Variants in NFKB1 observed in about 807,000 individuals in gnomAD.
NFKB1 encodes the protein nuclear factor NF-kappa-B p105 subunit.
In NFKB1, 9 loss-of-function variants were observed where a neutral mutation model predicts 105.1. The observed-to-expected ratio is 0.09, with a 90% CI of 0.05 to 0.15. The LOEUF is 0.15. NFKB1 is among the 10% of genes least tolerant of loss of function. NFKB1 has a pLI of 1.00. For synonymous variants in NFKB1, 440 were observed against 442.2 expected (o/e 1.00, Z 0.06); for missense variants, 830 against 1,203.7 (o/e 0.69, Z 4.59).
At chr4:102,538,158 A>G (rs561307131) in intron 5 of NFKB1, among the ~76,000 whole-genome samples, 1 of 152,368 alleles carries the variant, frequency 6.6e-6, no homozygotes, top group African/African-American at 2.4e-5. Context: ...ATTTCAATTT[A>G]GTAGAAATGT....
chr4:102,532,843 C>T (rs1741386441), intron 3 of NFKB1, among the ~76,000 whole-genome samples: 1 of 152,054 alleles, frequency 6.6e-6, no homozygotes, highest in Non-Finnish European at 1.5e-5. Context: ...AAATGAGAAC[C>T]ACCATATGCC....
rs562149614 is a variant in NFKB1, at chr4:102,546,568, G to A, written c.258+8612G>A. 5.6e-4 allele frequency among the ~76,000 whole-genome samples: 86 copies of A among 152,216 alleles called. 1 individual carries two copies. The highest frequency in any genetic ancestry group is 3.7e-3 in the Admixed American group (56 of 15,292). On this transcript the variant is annotated intron_variant, in intron 5 of 23. Coordinates refer to ENST00000226574, the MANE Select transcript of NFKB1 (RefSeq NM_003998.4). ...AAAGTATGAAAACTACTGGGGCGCCGTAAGACAAAAGAAAACTTTGGGAAA... is the reference window on the plus strand; with the variant it reads ...AAAGTATGAAAACTACTGGGGCGCCATAAGACAAAAGAAAACTTTGGGAAA...
At chr4:102,530,211 T>A (rs1267294343) in intron 3 of NFKB1, among the ~76,000 whole-genome samples, 1 of 152,190 alleles carries the variant, frequency 6.6e-6, no homozygotes, top group African/African-American at 2.4e-5. Flanking sequence ...TTAAGTCCTT[T>A]CTCCCAGATT....
chr4:102,594,574 G>A (rs76598956), intron 12 of NFKB1, among the ~76,000 whole-genome samples: 148 of 152,188 alleles, frequency 9.7e-4, no homozygotes, highest in African/African-American at 3.2e-3. Flanking sequence ...CTTCTACATA[G>A]GCAAGTCTGA....
chr4:102,589,869 CAGAA>C (rs1281807486), intron 11 of NFKB1, among the ~76,000 whole-genome samples: 5 of 151,940 alleles, frequency 3.3e-5, no homozygotes, highest in Admixed American at 3.3e-4. Context: ...GAAAAGGAAA[CAGAA>C]AGGAGAAACA....
intron 14 of NFKB1, among the ~76,000 whole-genome samples, chr4:102,597,018 A>C (rs565708207): frequency 4.6e-5 from 7 of 152,316 alleles, no homozygotes; most frequent in Admixed American, 2.0e-4. Flanking sequence ...CAAAGGTCAC[A>C]AATGCCATTC....
At chr4:102,614,779 T>A (rs1224365214) in intron 23 of NFKB1, among the ~76,000 whole-genome samples, 1 of 152,000 alleles carries the variant, frequency 6.6e-6, no homozygotes, top group Non-Finnish European at 1.5e-5. Context: ...TGGCTGGCTC[T>A]TCTACACTCA....
At chr4:102,523,582 C>T (rs1363493477) in intron 1 of NFKB1, among the ~76,000 whole-genome samples, 1 of 152,136 alleles carries the variant, frequency 6.6e-6, no homozygotes, top group Non-Finnish European at 1.5e-5. Context: ...CCTGACAGTG[C>T]ATTTGGGTTA....
intron 4 of NFKB1, chr4:102,537,594 A>C (rs1364527661): frequency 3.5e-6 from 1 of 288,186 alleles, no homozygotes; most frequent in Non-Finnish European, 6.6e-6. Context: ...ATTACTCTCC[A>C]CACATGCATA....
At chr4:102,572,810 A>G (rs1454283342) in intron 6 of NFKB1, among the ~76,000 whole-genome samples, 2 of 152,210 alleles carry the variant, frequency 1.3e-5, no homozygotes, top group Non-Finnish European at 1.5e-5. Context: ...AGGTGTTTAT[A>G]TTTAACCACG....
At chr4:102,508,296 A>G (rs948042144) in intron 1 of NFKB1, among the ~76,000 whole-genome samples, 1 of 152,180 alleles carries the variant, frequency 6.6e-6, no homozygotes, top group Admixed American at 6.5e-5. Flanking sequence ...TAATACAAGA[A>G]CCTTCATGAT....
intron 16 of NFKB1, among the ~76,000 whole-genome samples, chr4:102,602,511 C>G (rs2149215526): frequency 6.6e-6 from 1 of 151,466 alleles, no homozygotes; most frequent in East Asian, 1.9e-4. Flanking sequence ...TGCACTCCAG[C>G]CTGGGTGACA....
chr4:102,606,724 G>A (rs760623379), intron 17 of NFKB1, 27 bp downstream of exon 17: 3 of 1,598,272 alleles, frequency 1.9e-6, no homozygotes, highest in African/African-American at 1.3e-5. Flanking sequence ...CATCATTGGT[G>A]TAACTTTCTC....
At chr4:102,603,197 T>G (rs1301631834) in intron 16 of NFKB1, among the ~76,000 whole-genome samples, 4 of 151,860 alleles carry the variant, frequency 2.6e-5, no homozygotes, top group Non-Finnish European at 5.9e-5. Context: ...CTCAGCCTCC[T>G]GAGTAGCTGG....
chr4:102,579,646 A>AT (rs1330931559), intron 8 of NFKB1, among the ~76,000 whole-genome samples: 2,228 of 124,070 alleles, frequency 0.018, 53 homozygotes, highest in African/African-American at 0.054. Context: ...CAAAAAAAAA[A>AT]ATATATATAT....
At chr4:102,582,240 T>G (rs148894194) in intron 9 of NFKB1, among the ~76,000 whole-genome samples, 39 of 152,320 alleles carry the variant, frequency 2.6e-4, no homozygotes, top group African/African-American at 7.5e-4. Context: ...TTTAATAGTG[T>G]GTTAAGAGCC....
chr4:102,502,361 C>G lies in NFKB1; in HGVS notation c.-8+573C>G, dbSNP rs977440232. ...GCTCTCTGTCTCTCTCTCTCTCCCC[C>G]CTCCCCCCCTCCGTGCGCGCGCGCG... On this transcript the variant is annotated intron_variant, in intron 1 of 23. Coordinates refer to ENST00000226574, the MANE Select transcript of NFKB1 (RefSeq NM_003998.4). Among the ~76,000 whole-genome samples the G allele has an allele frequency of 5.6e-5, 8 of 144,038 alleles. No individual in the cohort carries two copies. The East Asian group carries it at 6.2e-4, about 11-fold the overall frequency. 94.5% of individuals were successfully genotyped at this position (144,038 alleles called of 152,430 possible).
chr4:102,536,562 G>A (rs1311495506), intron 4 of NFKB1, among the ~76,000 whole-genome samples: 1 of 152,184 alleles, frequency 6.6e-6, no homozygotes, highest in African/African-American at 2.4e-5. Flanking sequence ...CTCAGAGACT[G>A]CAAGACCCTA....
chr4:102,503,017 A>T (rs1739190046), intron 1 of NFKB1, among the ~76,000 whole-genome samples: 1 of 152,220 alleles, frequency 6.6e-6, no homozygotes, highest in Admixed American at 6.5e-5. Context: ...TTAAAACTTT[A>T]AAAGGGAAAC....
Sources: gnomAD v4.1 joint callset for allele counts (sites outside exome capture counted in the v4.1 genomes callset) on GRCh38, gnomAD v4.1.1 for gene constraint, MANE v1.5 for transcripts, NCBI Gene and HGNC (gene_info 2026-07-23, HGNC 2026-07-21) for gene names.